PTPRG: variants seen among roughly 807,000 people sequenced by gnomAD.
The protein encoded by PTPRG is receptor-type tyrosine-protein phosphatase gamma.
In PTPRG, 102 loss-of-function variants were observed where a neutral mutation model predicts 165.3. The observed-to-expected ratio is 0.62, with a 90% CI of 0.53 to 0.73. The LOEUF is 0.73. Among genes scored for constraint, PTPRG ranks in the 30% least tolerant of loss-of-function variants. The pLI is 0.00. For missense variants in PTPRG, 1,866 were observed against 1,861.4 expected (o/e 1.00, Z -0.05); for synonymous variants, 675 against 669.5 (o/e 1.01, Z -0.13).
At chr3:62,101,099 G>C (rs990606581) in intron 5 of PTPRG, among the ~76,000 whole-genome samples, 4 of 152,194 alleles carry the variant, frequency 2.6e-5, no homozygotes, top group African/African-American at 9.6e-5. Context: ...AGCATAATTG[G>C]AGGAGTGTGA....
intron 5 of PTPRG, among the ~76,000 whole-genome samples, chr3:62,106,521 G>A (rs1356542725): frequency 2.0e-5 from 1 of 50,406 alleles, no homozygotes; most frequent in African/African-American, 8.2e-5. Flanking sequence ...TTTTTTTTTT[G>A]GCTTGATCTC....
At chr3:62,198,529 C>T (rs1307017910) in intron 10 of PTPRG, among the ~76,000 whole-genome samples, 1 of 152,204 alleles carries the variant, frequency 6.6e-6, no homozygotes, top group Non-Finnish European at 1.5e-5. Flanking sequence ...CTCTGAGCCA[C>T]AGACTCATCC....
At position 61,943,532 on chromosome 3, in the gene PTPRG, C is replaced by T. The variant is rs188346080; in HGVS notation, c.191-46093C>T. On this transcript the variant is annotated intron_variant, in intron 2 of 29. Transcript: ENST00000474889. ...GGCAGAGGTTTCAGTGAGCCAAGATCGCGCCACTGCACTCCAGCCTGGGCA... is the reference window on the plus strand; with the variant it reads ...GGCAGAGGTTTCAGTGAGCCAAGATTGCGCCACTGCACTCCAGCCTGGGCA... 1.8e-3 allele frequency among the ~76,000 whole-genome samples: 273 copies of T among 152,278 alleles called. 9 individuals carry two copies. The East Asian group carries it at 0.042, about 23-fold the overall frequency.
At chr3:61,778,816 C>T (rs1347929624) in intron 2 of PTPRG, among the ~76,000 whole-genome samples, 3 of 152,070 alleles carry the variant, frequency 2.0e-5, no homozygotes, top group African/African-American at 7.2e-5. Context: ...GAAAGAATTC[C>T]AGGCAGAGGG....
At chr3:62,160,788 G>C (rs1018410827) in intron 7 of PTPRG, among the ~76,000 whole-genome samples, 19 of 151,306 alleles carry the variant, frequency 1.3e-4, no homozygotes, top group Admixed American at 4.6e-4. Context: ...TTTTACTTAA[G>C]TGCTTGTAGG....
chr3:61,648,089 A>G (rs1453545943), intron 1 of PTPRG, among the ~76,000 whole-genome samples: 1 of 152,186 alleles, frequency 6.6e-6, no homozygotes, highest in Non-Finnish European at 1.5e-5. Flanking sequence ...TTCATGTTTG[A>G]TTAAACCAGT....
At chr3:61,819,213 A>G (rs2035883556) in intron 2 of PTPRG, among the ~76,000 whole-genome samples, 1 of 152,220 alleles carries the variant, frequency 6.6e-6, no homozygotes, top group African/African-American at 2.4e-5. Flanking sequence ...ATGGTCTTCA[A>G]CTATGAAGAT....
intron 5 of PTPRG, among the ~76,000 whole-genome samples, chr3:62,115,339 T>G (rs1702821080): frequency 6.6e-6 from 1 of 152,210 alleles, no homozygotes; most frequent in Non-Finnish European, 1.5e-5. Flanking sequence ...TTGGGTGATT[T>G]AAAGAGTGTT....
intron 8 of PTPRG, among the ~76,000 whole-genome samples, chr3:62,173,987 C>T (rs1387934669): frequency 6.6e-6 from 1 of 152,150 alleles, no homozygotes; most frequent in Non-Finnish European, 1.5e-5. Context: ...AATAATAAAG[C>T]TCTAGTTGCA....
chr3:61,917,195 A>T (rs1456892121), intron 2 of PTPRG, among the ~76,000 whole-genome samples: 1 of 152,102 alleles, frequency 6.6e-6, no homozygotes, highest in East Asian at 1.9e-4. Flanking sequence ...TCGGCTCCTC[A>T]TTATGCTTTG....
chr3:61,974,040 A>G (rs976623620), intron 2 of PTPRG, among the ~76,000 whole-genome samples: 4 of 152,140 alleles, frequency 2.6e-5, no homozygotes, highest in African/African-American at 9.7e-5. Context: ...AACCAACACC[A>G]CAGAGCCATA....
At chr3:61,926,947 C>A (rs577760900) in intron 2 of PTPRG, among the ~76,000 whole-genome samples, 40 of 152,064 alleles carry the variant, frequency 2.6e-4, no homozygotes, top group Middle Eastern at 3.4e-3. Flanking sequence ...ACATGTTGTC[C>A]TTTTCTACCT....
chr3:61,580,708 A>AG (rs1039310482), intron 1 of PTPRG, among the ~76,000 whole-genome samples: 4 of 152,226 alleles, frequency 2.6e-5, no homozygotes, highest in Non-Finnish European at 5.9e-5. Flanking sequence ...AATAAAAGTA[A>AG]GGGAAAAAAA....
At chr3:61,829,316 T>C (rs549897489) in intron 2 of PTPRG, among the ~76,000 whole-genome samples, 2 of 152,376 alleles carry the variant, frequency 1.3e-5, no homozygotes, top group East Asian at 1.9e-4. Flanking sequence ...AGTTCAATAA[T>C]GACCGTTATT....
At chr3:62,239,360 C>CTTTTT (rs776921598) in intron 14 of PTPRG, among the ~76,000 whole-genome samples, 94 of 124,490 alleles carry the variant, frequency 7.6e-4, no homozygotes, top group African/African-American at 1.0e-3. Flanking sequence ...TTTTTTCTTT[C>CTTTTT]TTTTTTTTTT....
At position 62,277,003 on chromosome 3, in the gene PTPRG, G is replaced by T. The variant is rs1159487184; in HGVS notation, c.3591G>T (p.Leu1197Phe). 6.2e-7 allele frequency: 1 copy of T among 1,613,098 alleles called. No homozygotes were observed. The highest frequency in any genetic ancestry group is 1.3e-5 in the African/African-American group (1 of 74,962). ...SERARVGLAPLPGMKGTDYIN... is the reference protein window; with the variant it reads ...SERARVGLAPFPGMKGTDYIN... ...GTGCTCGAGTGGGTCTTGCACCATT[G>T]CCTGGAATGAAAGGAACAGATTACA... The change falls in exon 25 of 30, where the codon TTG (leucine) becomes TTT (phenylalanine). Residue 1197 changes from leucine (L) to phenylalanine (F), a missense_variant. Coordinates refer to ENST00000474889, the MANE Select transcript of PTPRG (RefSeq NM_002841.4).
intron 2 of PTPRG, among the ~76,000 whole-genome samples, chr3:61,815,621 C>A (rs957130401): frequency 2.0e-5 from 3 of 152,124 alleles, no homozygotes; most frequent in African/African-American, 7.2e-5. Flanking sequence ...CATTGTTTTA[C>A]TGTGCAAAAG....
chr3:61,949,528 AT>A (rs1237047690), intron 2 of PTPRG, among the ~76,000 whole-genome samples: 1 of 152,062 alleles, frequency 6.6e-6, no homozygotes, highest in Admixed American at 6.6e-5. Flanking sequence ...GGTCTAGTAT[AT>A]TTTACCTTTT....
At position 62,168,257 on chromosome 3, in the gene PTPRG, C is replaced by G. The variant is rs1382117168; in HGVS notation, c.1033+94C>G. On this transcript the variant is annotated intron_variant, in intron 8 of 29. Coordinates refer to ENST00000474889, the MANE Select transcript of PTPRG (RefSeq NM_002841.4). ...ATTCAAAGCCAGCCAGGAATTGGGA[C>G]TTGGTGTTAAATGCATATGTTTCTC... 11 of 1,247,712 alleles carry G rather than the reference C, an allele frequency of 8.8e-6. No homozygotes were observed. The Admixed American group carries it at 1.3e-4, about 15-fold the overall frequency. 77.3% of individuals were successfully genotyped at this position (1,247,712 alleles called of 1,614,324 possible).
Sources: allele counts gnomAD v4.1 joint callset (sites outside exome capture counted in the v4.1 genomes callset), GRCh38; gene constraint gnomAD v4.1.1; transcripts MANE v1.5; gene names NCBI Gene and HGNC (gene_info 2026-07-23, HGNC 2026-07-21).